KCNIP4: variants seen among roughly 807,000 people sequenced by gnomAD.
KCNIP4 encodes Kv channel-interacting protein 4.
In KCNIP4, 12 loss-of-function variants were observed where a neutral mutation model predicts 34.0. The ratio of observed to expected loss-of-function variants is 0.35; its 90% confidence interval spans 0.23 to 0.57. The LOEUF (loss-of-function observed/expected upper bound fraction) is 0.57. Among genes scored for constraint, KCNIP4 ranks in the 20% least tolerant of loss-of-function variants. The pLI, the probability that KCNIP4 is intolerant of heterozygous loss-of-function variation, is 0.83. For missense variants in KCNIP4, 238 were observed against 311.7 expected (o/e 0.76, Z 1.78); for synonymous variants, 124 against 102.2 (o/e 1.21, Z -1.29).
At chr4:20,905,883 G>T (rs187256586) in intron 1 of KCNIP4, among the ~76,000 whole-genome samples, 4 of 151,860 alleles carry the variant, frequency 2.6e-5, no homozygotes, top group Admixed American at 2.0e-4. Context: ...AATTAAATTC[G>T]CATTTTGTTC....
chr4:21,318,057 C>T (rs1292182655), intron 1 of KCNIP4, among the ~76,000 whole-genome samples: 2 of 152,128 alleles, frequency 1.3e-5, no homozygotes, highest in South Asian at 2.1e-4. Flanking sequence ...AATCATCCTG[C>T]CCTGCCTGCT....
chr4:20,866,353 A>G (rs1722875021), intron 2 of KCNIP4, among the ~76,000 whole-genome samples: 1 of 152,164 alleles, frequency 6.6e-6, no homozygotes, highest in South Asian at 2.1e-4. Context: ...TTGGTTCAAC[A>G]TATGCAAATC....
At position 21,752,765 on chromosome 4, in the gene KCNIP4, T is replaced by G. The variant is rs1717240140; in HGVS notation, c.61+195806A>C. Among the ~76,000 whole-genome samples, 6 of 152,310 alleles carry G rather than the reference T, an allele frequency of 3.9e-5. No homozygotes were observed. The South Asian group carries it at 1.2e-3, about 32-fold the overall frequency. ...CCTGCTACTAGGATTTTGTTTTGTT[T>G]TGTTATAGCTAGGCTAAATCCCACC... is the stretch of plus-strand genomic sequence containing the variant. On this transcript the variant is annotated intron_variant, in intron 1 of 8. Transcript: ENST00000382152.
chr4:20,906,121 CCTCTCTTTCTCTTT>C (rs146460056), intron 1 of KCNIP4, among the ~76,000 whole-genome samples: 7,113 of 141,086 alleles, frequency 0.05, 380 homozygotes, highest in African/African-American at 0.14. Context: ...TCTTTCTCTT[CCTCTCTTTCTCTTT>C]CTCTCTCTCT....
intron 1 of KCNIP4, among the ~76,000 whole-genome samples, chr4:21,436,888 C>T (rs1726985020): frequency 6.6e-6 from 1 of 152,204 alleles, no homozygotes; most frequent in Non-Finnish European, 1.5e-5. Flanking sequence ...ATGCCTAACA[C>T]AGTGCCTGGC....
intron 1 of KCNIP4, among the ~76,000 whole-genome samples, chr4:21,807,914 T>C (rs1207555361): frequency 6.6e-6 from 1 of 152,216 alleles, no homozygotes; most frequent in African/African-American, 2.4e-5. Context: ...TTACGTAAAA[T>C]TTAGGAATAA....
At chr4:21,890,934 G>A (rs924896549) in intron 1 of KCNIP4, among the ~76,000 whole-genome samples, 2 of 152,094 alleles carry the variant, frequency 1.3e-5, no homozygotes, top group Non-Finnish European at 1.5e-5. Context: ...GTAGACAAGA[G>A]AACTGTGACC....
chr4:21,450,457 C>T (rs2199288), intron 1 of KCNIP4, among the ~76,000 whole-genome samples: 14,574 of 152,022 alleles, frequency 0.096, 732 homozygotes, highest in East Asian at 0.17. Flanking sequence ...ATCCAGAATA[C>T]TTTAGACTTT....
chr4:21,136,108 T>G (rs2065418801), intron 1 of KCNIP4, among the ~76,000 whole-genome samples: 1 of 152,228 alleles, frequency 6.6e-6, no homozygotes, highest in Non-Finnish European at 1.5e-5. Flanking sequence ...TGACACTGGC[T>G]GTGTAATTTA....
Position 21,174,848 on chromosome 4 carries a change from C to T in KCNIP4, c.62-292139G>A, listed in dbSNP as rs11930282. Among the ~76,000 whole-genome samples, 1,013 of 149,388 alleles carry T rather than the reference C, an allele frequency of 6.8e-3. 17 individuals carry two copies. The highest frequency in any genetic ancestry group is 0.024 in the African/African-American group (965 of 40,354). Reference sequence around the variant, plus strand: ...TGAACCCGTGGAGGTTGCGGTGGACCGAGATTGCACCATTGCACTCCAGCC... The same window carrying T: ...TGAACCCGTGGAGGTTGCGGTGGACTGAGATTGCACCATTGCACTCCAGCC... On this transcript the variant is annotated intron_variant, in intron 1 of 8. Coordinates refer to ENST00000382152, the MANE Select transcript of KCNIP4 (RefSeq NM_025221.6).
intron 1 of KCNIP4, among the ~76,000 whole-genome samples, chr4:21,117,133 AG>A (rs1749746139): frequency 6.6e-6 from 1 of 152,080 alleles, no homozygotes; most frequent in South Asian, 2.1e-4. Flanking sequence ...GAGCTTAGGC[AG>A]GTTGCTCAGT....
At chr4:20,773,820 C>T (rs1266211087) in intron 3 of KCNIP4, among the ~76,000 whole-genome samples, 1 of 152,144 alleles carries the variant, frequency 6.6e-6, no homozygotes, top group East Asian at 1.9e-4. Context: ...TTGGATATTA[C>T]ATTTGGTGTA....
At chr4:20,861,738 T>C (rs1722217240) in intron 2 of KCNIP4, among the ~76,000 whole-genome samples, 1 of 152,120 alleles carries the variant, frequency 6.6e-6, no homozygotes, top group Admixed American at 6.6e-5. Flanking sequence ...GAGAATTGCT[T>C]TGCAATTTCA....
At chr4:21,081,966 C>A (rs965147619) in intron 1 of KCNIP4, among the ~76,000 whole-genome samples, 1 of 151,738 alleles carries the variant, frequency 6.6e-6, no homozygotes, top group Admixed American at 6.6e-5. Flanking sequence ...GATAAATCTT[C>A]ATTTCTGATG....
At chr4:21,892,714 T>C (rs1408844536) in intron 1 of KCNIP4, among the ~76,000 whole-genome samples, 2 of 152,156 alleles carry the variant, frequency 1.3e-5, no homozygotes, top group Admixed American at 1.3e-4. Context: ...AGATTACAAA[T>C]TGTAATATGC....
chr4:21,493,062 T>C (rs574623292), intron 1 of KCNIP4, among the ~76,000 whole-genome samples: 4 of 152,304 alleles, frequency 2.6e-5, no homozygotes, highest in Non-Finnish European at 4.4e-5. Context: ...GCACACCTTA[T>C]AGCTTTCTCG....
At chr4:21,597,914 A>G (rs56408419) in intron 1 of KCNIP4, among the ~76,000 whole-genome samples, 4,666 of 152,256 alleles carry the variant, frequency 0.031, 77 homozygotes, top group South Asian at 0.073. Context: ...ATATTTAGCT[A>G]TAAAGGAGAG....
At chr4:21,379,761 ATC>A (rs1301631825) in intron 1 of KCNIP4, among the ~76,000 whole-genome samples, 1 of 152,136 alleles carries the variant, frequency 6.6e-6, no homozygotes, top group Non-Finnish European at 1.5e-5. Context: ...GTTTTTCTAT[ATC>A]TCTTTCAGAA....
chr4:21,095,442 T>C (rs961341729), intron 1 of KCNIP4, among the ~76,000 whole-genome samples: 9 of 152,238 alleles, frequency 5.9e-5, no homozygotes, highest in Admixed American at 5.9e-4. Flanking sequence ...CTCATTCTTA[T>C]CAGTCACTCT....
Sources: allele counts gnomAD v4.1 joint callset (sites outside exome capture counted in the v4.1 genomes callset), GRCh38; gene constraint gnomAD v4.1.1; transcripts MANE v1.5; gene names NCBI Gene and HGNC (gene_info 2026-07-23, HGNC 2026-07-21).